The following SPIDR variants were observed in gnomAD, a reference collection of about 807,000 sequenced individuals.
SPIDR encodes the protein scaffold protein involved in DNA repair.
A neutral mutation model predicts 104.6 loss-of-function variants in SPIDR; 93 were observed. The observed-to-expected ratio is 0.89, with a 90% CI of 0.75 to 1.06. SPIDR has a LOEUF of 1.06. Among genes scored for constraint, SPIDR ranks in the 50% least tolerant of loss-of-function variants. SPIDR has a pLI of 0.00. For missense variants in SPIDR, 1,154 were observed against 1,111.2 expected (o/e 1.04, Z -0.55); for synonymous variants, 431 against 416.9 (o/e 1.03, Z -0.41).
At chr8:47,527,072 T>C (rs2085109017) in intron 8 of SPIDR, among the ~76,000 whole-genome samples, 1 of 152,130 alleles carries the variant, frequency 6.6e-6, no homozygotes. Context: ...GGCACACTTT[T>C]GTTTTATGTT....
chr8:47,359,824 T>A (rs1229352763), intron 5 of SPIDR, among the ~76,000 whole-genome samples: 1 of 152,248 alleles, frequency 6.6e-6, no homozygotes, highest in Admixed American at 6.5e-5. Flanking sequence ...ATGGGATACT[T>A]CGTAAGAACA....
At chr8:47,368,702 T>A (rs528114403) in intron 5 of SPIDR, among the ~76,000 whole-genome samples, 46 of 152,336 alleles carry the variant, frequency 3.0e-4, no homozygotes, top group African/African-American at 1.1e-3. Context: ...TTAATATCAC[T>A]AATAACTTTA....
intron 2 of SPIDR, 44 bp from the exon 3 acceptor site, chr8:47,283,984 T>C: frequency 6.9e-7 from 1 of 1,447,916 alleles, no homozygotes; most frequent in South Asian, 1.2e-5. Flanking sequence ...AGTTTTTTTT[T>C]AGCATTTGTC....
intron 14 of SPIDR, among the ~76,000 whole-genome samples, chr8:47,709,572 G>T (rs1239848979): frequency 6.6e-6 from 1 of 152,164 alleles, no homozygotes; most frequent in Non-Finnish European, 1.5e-5. Context: ...CACCATGCCC[G>T]GCCAGAGAAG....
At chr8:47,708,294 G>A (rs1451441297) in intron 14 of SPIDR, among the ~76,000 whole-genome samples, 6 of 152,270 alleles carry the variant, frequency 3.9e-5, no homozygotes, top group East Asian at 3.9e-4. Flanking sequence ...GCGAGACTCC[G>A]TCTCAAAAAC....
intron 10 of SPIDR, among the ~76,000 whole-genome samples, chr8:47,600,809 G>T (rs1474215531): frequency 6.6e-6 from 1 of 152,146 alleles, no homozygotes; most frequent in African/African-American, 2.4e-5. Context: ...GAGGAACTTG[G>T]TAGAGCTTCC....
chr8:47,628,775 A>G (rs1183410928), intron 10 of SPIDR, among the ~76,000 whole-genome samples: 1 of 152,220 alleles, frequency 6.6e-6, no homozygotes, highest in African/African-American at 2.4e-5. Flanking sequence ...CTTCTGTCTA[A>G]CAAAATGGAA....
chr8:47,359,994 G>A (rs1189356925), intron 5 of SPIDR, among the ~76,000 whole-genome samples: 1 of 152,130 alleles, frequency 6.6e-6, no homozygotes, highest in Non-Finnish European at 1.5e-5. Context: ...TGTAATCCCA[G>A]TGCTTTGGGA....
At chr8:47,564,966 G>A (rs1407874006) in intron 8 of SPIDR, among the ~76,000 whole-genome samples, 1 of 152,142 alleles carries the variant, frequency 6.6e-6, no homozygotes, top group African/African-American at 2.4e-5. Context: ...TTCATTGACG[G>A]CCAGGCACAC....
At chr8:47,350,933 A>G (rs1207287533) in intron 5 of SPIDR, among the ~76,000 whole-genome samples, 2 of 152,120 alleles carry the variant, frequency 1.3e-5, no homozygotes, top group African/African-American at 4.8e-5. Context: ...ACCATTCTCA[A>G]CTGCATGATG....
At chr8:47,408,629 A>G (rs1057432481) in intron 7 of SPIDR, among the ~76,000 whole-genome samples, 1 of 152,210 alleles carries the variant, frequency 6.6e-6, no homozygotes, top group South Asian at 2.1e-4. Context: ...AAGATATCCA[A>G]GTTGGAAAGC....
chr8:47,543,843 G>A (rs2088728388), intron 8 of SPIDR, among the ~76,000 whole-genome samples: 1 of 152,128 alleles, frequency 6.6e-6, no homozygotes, highest in Non-Finnish European at 1.5e-5. Context: ...CAAGCTGGTG[G>A]GCTGTCACAT....
chr8:47,536,344 T>A (rs939156630), intron 8 of SPIDR, among the ~76,000 whole-genome samples: 14 of 152,094 alleles, frequency 9.2e-5, no homozygotes, highest in Non-Finnish European at 2.1e-4. Context: ...GACTCAATAC[T>A]GAAAGAGAAC....
chr8:47,360,817 C>T, intron 5 of SPIDR: 1 of 985,386 alleles, frequency 1.0e-6, no homozygotes, highest in Non-Finnish European at 1.2e-6. Context: ...CAGTTTGTGT[C>T]CAGTGCTTGA....
At chr8:47,660,227 G>C (rs574535679) in intron 10 of SPIDR, among the ~76,000 whole-genome samples, 77 of 152,242 alleles carry the variant, frequency 5.1e-4, no homozygotes, top group Non-Finnish European at 9.3e-4. Flanking sequence ...TATTTTTACA[G>C]TTTTTGAAAT....
intron 5 of SPIDR, among the ~76,000 whole-genome samples, chr8:47,355,410 A>G (rs181483970): frequency 1.7e-4 from 26 of 149,436 alleles, no homozygotes; most frequent in Non-Finnish European, 3.4e-4. Context: ...CTAGAATCTG[A>G]TAGAATGCCT....
chr8:47,612,099 A>G (rs2063685309), intron 10 of SPIDR, among the ~76,000 whole-genome samples: 1 of 152,230 alleles, frequency 6.6e-6, no homozygotes, highest in Non-Finnish European at 1.5e-5. Flanking sequence ...GGAGGGAACA[A>G]GAGAGGACTA....
chr8:47,283,279 G>T (rs1554560358), intron 2 of SPIDR, among the ~76,000 whole-genome samples: 1 of 152,174 alleles, frequency 6.6e-6, no homozygotes, highest in East Asian at 1.9e-4. Flanking sequence ...AGAATAGGAG[G>T]CCTAAGGAGA....
chr8:47,423,600 T>A (rs1240301021), intron 7 of SPIDR, among the ~76,000 whole-genome samples: 1 of 151,524 alleles, frequency 6.6e-6, no homozygotes, highest in Middle Eastern at 3.4e-3. Context: ...AGACCCTGTC[T>A]GAAAAAAAAA....
Sources: gnomAD v4.1 joint callset for allele counts (sites outside exome capture counted in the v4.1 genomes callset) on GRCh38, gnomAD v4.1.1 for gene constraint, MANE v1.5 for transcripts, NCBI Gene and HGNC (gene_info 2026-07-23, HGNC 2026-07-21) for gene names.